Variants in RBFOX1 observed in about 807,000 individuals in gnomAD.
RBFOX1 encodes RNA binding protein fox-1 homolog 1.
In RBFOX1, 8 loss-of-function variants were observed where a neutral mutation model predicts 57.7. That is an observed-to-expected ratio of 0.14 (90% confidence interval 0.08 to 0.25). RBFOX1 has a LOEUF of 0.25. Ranked by LOEUF, RBFOX1 falls within the 10% of genes least tolerant of loss-of-function variation. RBFOX1 has a pLI of 1.00. For synonymous variants in RBFOX1, 326 were observed against 222.4 expected (o/e 1.47, Z -4.15); for missense variants, 611 against 548.5 (o/e 1.11, Z -1.14).
chr16:5,329,044 C>T (rs1010634345), intron 1 of RBFOX1, among the ~76,000 whole-genome samples: 3 of 152,154 alleles, frequency 2.0e-5, no homozygotes, highest in Non-Finnish European at 2.9e-5. Flanking sequence ...AGCCAGGCAC[C>T]ATGCTGAAAG....
intron 3 of RBFOX1, among the ~76,000 whole-genome samples, chr16:5,606,091 A>G (rs1017394447): frequency 6.6e-6 from 1 of 152,144 alleles, no homozygotes; most frequent in Non-Finnish European, 1.5e-5. Context: ...CCACTGTCTG[A>G]TCAGTTCACT....
At chr16:7,700,260 C>A (rs867321964) in intron 14 of RBFOX1, among the ~76,000 whole-genome samples, 1 of 152,176 alleles carries the variant, frequency 6.6e-6, no homozygotes, top group African/African-American at 2.4e-5. Flanking sequence ...GTCTTAATAA[C>A]TGTCACTTGT....
intron 4 of RBFOX1, among the ~76,000 whole-genome samples, chr16:7,470,478 T>C (rs1268873020): frequency 2.0e-5 from 3 of 151,838 alleles, no homozygotes; most frequent in African/African-American, 7.3e-5. Flanking sequence ...GATGGATGGA[T>C]GGATAGTTGA....
intron 11 of RBFOX1, among the ~76,000 whole-genome samples, chr16:7,633,747 G>C (rs1199750932): frequency 6.6e-6 from 1 of 152,176 alleles, no homozygotes; most frequent in Admixed American, 6.5e-5. Context: ...GGGGCCTTCA[G>C]TTATTTCTGT....
chr16:6,156,147 C>G (rs150305472), intron 1 of RBFOX1, among the ~76,000 whole-genome samples: 394 of 152,294 alleles, frequency 2.6e-3, no homozygotes, highest in African/African-American at 9.3e-3. Flanking sequence ...TTTTCTAAAA[C>G]ATTTTTAAGA....
At chr16:5,818,461 T>A (rs909923369) in intron 3 of RBFOX1, among the ~76,000 whole-genome samples, 3 of 152,154 alleles carry the variant, frequency 2.0e-5, no homozygotes, top group African/African-American at 7.2e-5. Context: ...CTTTACTCAG[T>A]CAATAAGTTT....
At chr16:5,874,574 G>A (rs1196354999) in intron 4 of RBFOX1, among the ~76,000 whole-genome samples, 1 of 152,158 alleles carries the variant, frequency 6.6e-6, no homozygotes, top group Non-Finnish European at 1.5e-5. Flanking sequence ...GAAGGAGAAG[G>A]AAGATAAATT....
At chr16:6,260,232 G>A (rs4786847) in intron 1 of RBFOX1, among the ~76,000 whole-genome samples, 105,161 of 151,980 alleles carry the variant, frequency 0.69, 40,875 homozygotes, top group Non-Finnish European at 0.87. Flanking sequence ...ATATATTGCC[G>A]CAGAATTAAA....
intron 4 of RBFOX1, among the ~76,000 whole-genome samples, chr16:5,944,103 G>A (rs1231348499): frequency 6.6e-6 from 1 of 152,022 alleles, no homozygotes; most frequent in Non-Finnish European, 1.5e-5. Flanking sequence ...TTCCATTCCA[G>A]ACACATGGAC....
intron 3 of RBFOX1, among the ~76,000 whole-genome samples, chr16:7,050,145 C>A: frequency 7.5e-6 from 1 of 132,632 alleles, no homozygotes; most frequent in African/African-American, 3.5e-5. Context: ...GTGTATAATT[C>A]AATGTGGGCT....
intron 2 of RBFOX1, among the ~76,000 whole-genome samples, chr16:6,378,502 G>C (rs1358555399): frequency 6.6e-6 from 1 of 152,238 alleles, no homozygotes; most frequent in African/African-American, 2.4e-5. Context: ...GTTAGGGCAA[G>C]AGAGTCAGAG....
At chr16:7,156,930 G>C (rs534295343) in intron 4 of RBFOX1, among the ~76,000 whole-genome samples, 5 of 152,142 alleles carry the variant, frequency 3.3e-5, no homozygotes, top group African/African-American at 1.2e-4. Flanking sequence ...TAATATATGT[G>C]ATAACCTGTT....
At chr16:6,989,099 G>A (rs1205103017) in intron 3 of RBFOX1, among the ~76,000 whole-genome samples, 2 of 152,188 alleles carry the variant, frequency 1.3e-5, no homozygotes, top group African/African-American at 2.4e-5. Context: ...ATTTCGCCAT[G>A]TTGGGCAGGT....
At chr16:6,820,619 A>C (rs2091108811) in intron 3 of RBFOX1, among the ~76,000 whole-genome samples, 2 of 152,062 alleles carry the variant, frequency 1.3e-5, no homozygotes, top group Non-Finnish European at 2.9e-5. Flanking sequence ...TGATCACACT[A>C]CTACAGTCCA....
At chr16:6,634,902 A>G (rs12931968) in intron 2 of RBFOX1, among the ~76,000 whole-genome samples, 12,962 of 139,478 alleles carry the variant, frequency 0.093, 631 homozygotes, top group African/African-American at 0.12. Context: ...ATACACATGT[A>G]TATATTTTAA....
rs551396353 is a variant in RBFOX1, at chr16:6,636,026, A to G, written c.-63-18577A>G. Among the ~76,000 whole-genome samples the G allele has an allele frequency of 5.9e-5, 9 of 152,266 alleles. No individual in the cohort carries two copies. In the South Asian group the frequency reaches 1.9e-3, roughly 32 times the overall value. On this transcript the variant is annotated intron_variant, in intron 2 of 15. Transcript: ENST00000550418. ...ACATAACCTGAAAGTACTTGTGTAC[A>G]TGTTTAATAATTTATGCTTGAAACA...
chr16:6,895,732 G>A (rs910317314), intron 3 of RBFOX1, among the ~76,000 whole-genome samples: 2 of 151,812 alleles, frequency 1.3e-5, no homozygotes, highest in African/African-American at 2.4e-5. Flanking sequence ...GCACAAAAGT[G>A]GACTACATCT....
At chr16:7,121,406 A>G (rs927363477) in intron 4 of RBFOX1, among the ~76,000 whole-genome samples, 1 of 152,180 alleles carries the variant, frequency 6.6e-6, no homozygotes. Context: ...ATAAATATCA[A>G]TCATATATCT....
intron 2 of RBFOX1, among the ~76,000 whole-genome samples, chr16:6,580,652 A>G (rs1222280197): frequency 6.6e-6 from 1 of 152,200 alleles, no homozygotes; most frequent in Non-Finnish European, 1.5e-5. Context: ...TTTGTGGGGT[A>G]TACACAGTAA....
Sources: gnomAD v4.1 joint callset for allele counts (sites outside exome capture counted in the v4.1 genomes callset) on GRCh38, gnomAD v4.1.1 for gene constraint, MANE v1.5 for transcripts, NCBI Gene and HGNC (gene_info 2026-07-23, HGNC 2026-07-21) for gene names.